Variants in LY6S observed in about 807,000 individuals in gnomAD.
LY6S encodes lymphocyte antigen 6 family member S, also known as lymphocyte antigen 6S.
the LY6S span, among the ~76,000 whole-genome samples, chr8:143,047,303 CT>C: frequency 5.4e-5 from 8 of 149,150 alleles, no homozygotes; most frequent in African/African-American, 1.5e-4. Context: ...CCACGCCCGG[CT>C]TTTTTTTTTC....
the LY6S span, among the ~76,000 whole-genome samples, chr8:143,070,476 A>ATATATATATAATATATATATAAT: frequency 6.0e-4 from 46 of 76,908 alleles, 2 homozygotes; most frequent in Non-Finnish European, 8.1e-4. Context: ...TATATATATA[A>ATATATATATAATATATATATAAT]ATATATATAT....
chr8:143,074,566 C>T, the LY6S span, among the ~76,000 whole-genome samples: 29,189 of 151,754 alleles, frequency 0.19, 3,660 homozygotes, highest in African/African-American at 0.34. Flanking sequence ...TAATGAGCAC[C>T]TACTTTCATA....
the LY6S span, among the ~76,000 whole-genome samples, chr8:143,045,423 C>T: frequency 2.0e-5 from 3 of 152,262 alleles, no homozygotes; most frequent in African/African-American, 2.4e-5. The surrounding 1 kb of genome is among the most constrained non-coding windows in gnomAD (Gnocchi z 5.3). Flanking sequence ...TCCTGGGGAT[C>T]GAATGAGTCC....
the LY6S span, among the ~76,000 whole-genome samples, chr8:143,058,845 C>G: frequency 6.6e-6 from 1 of 152,224 alleles, no homozygotes; most frequent in Non-Finnish European, 1.5e-5. Flanking sequence ...TCTGGTGGCC[C>G]TGTCCGGGCA....
the LY6S span, chr8:143,042,485 G>A: frequency 0.01 from 1,625 of 155,266 alleles, 21 homozygotes; most frequent in Non-Finnish European, 0.016. Flanking sequence ...CCCTGGGGGG[G>A]CACCCGTGCC....
At chr8:143,053,618 TC>T in the LY6S span, 1 of 151,754 alleles carries the variant, frequency 6.6e-6, no homozygotes, top group Admixed American at 6.6e-5. Context: ...TTCTTTAAGT[TC>T]CCCCTCTTAA....
At chr8:143,063,542 G>A in the LY6S span, among the ~76,000 whole-genome samples, 1 of 152,176 alleles carries the variant, frequency 6.6e-6, no homozygotes, top group Non-Finnish European at 1.5e-5. Flanking sequence ...CAAGGCATAT[G>A]CAGCATTTCT....
At chr8:143,054,775 G>C in the LY6S span, among the ~76,000 whole-genome samples, 1 of 152,224 alleles carries the variant, frequency 6.6e-6, no homozygotes, top group Admixed American at 6.5e-5. Flanking sequence ...CTTGGGTTTA[G>C]TATTATCCTC....
At chr8:143,067,486 C>A in the LY6S span, among the ~76,000 whole-genome samples, 3 of 152,300 alleles carry the variant, frequency 2.0e-5, no homozygotes, top group East Asian at 3.9e-4. Flanking sequence ...CCCCTCCACA[C>A]CTGTGAGTAT....
At chr8:143,043,379 C>T in the LY6S span, 563 of 613,842 alleles carry the variant, frequency 9.2e-4, 1 homozygote, top group Non-Finnish European at 1.2e-3. Context: ...GGCCCTGCCC[C>T]GGGGCCTCAG....
At chr8:143,071,809 T>A in the LY6S span, among the ~76,000 whole-genome samples, 115 of 152,274 alleles carry the variant, frequency 7.6e-4, no homozygotes, top group African/African-American at 2.6e-3. Flanking sequence ...AAGGAGGGTC[T>A]CCACTTAATC....
At chr8:143,073,197 G>A in the LY6S span, among the ~76,000 whole-genome samples, 4 of 149,660 alleles carry the variant, frequency 2.7e-5, no homozygotes, top group South Asian at 8.8e-4. Context: ...GTCGTCCTCG[G>A]GGTTCCTGTT....
chr8:143,054,002 TCCTATTAAAGATAACTACA>T, the LY6S span: 2 of 152,036 alleles, frequency 1.3e-5, no homozygotes, highest in African/African-American at 2.4e-5. Context: ...CATCAACATT[TCCTATTAAAGATAACTACA>T]CCTGGCCGAG....
chr8:143,049,388 T>C, the LY6S span: 1 of 446,662 alleles, frequency 2.2e-6, no homozygotes, highest in South Asian at 1.7e-5. Flanking sequence ...AGAGTGGAAC[T>C]GTGAGCTTCA....
chr8:143,057,039 A>G, the LY6S span: 1 of 251,722 alleles, frequency 4.0e-6, no homozygotes. Flanking sequence ...TCTTCCTGTT[A>G]ATAGTTACAC....
the LY6S span, among the ~76,000 whole-genome samples, chr8:143,051,157 G>T: frequency 6.6e-6 from 1 of 152,204 alleles, no homozygotes; most frequent in African/African-American, 2.4e-5. Context: ...GAAATGCAAG[G>T]GCTGACAGGA....
the LY6S span, among the ~76,000 whole-genome samples, chr8:143,056,599 T>C: frequency 2.0e-5 from 3 of 152,208 alleles, no homozygotes; most frequent in Non-Finnish European, 4.4e-5. Flanking sequence ...GGAATTTATA[T>C]AATGTCTCAC....
the LY6S span, among the ~76,000 whole-genome samples, chr8:143,070,489 A>ATATT: frequency 1.2e-5 from 1 of 81,746 alleles, no homozygotes; most frequent in Admixed American, 1.4e-4. Flanking sequence ...ATATATATAT[A>ATATT]TTTTTTTTTT....
chr8:143,044,612 T>A, the LY6S span: 2 of 1,303,038 alleles, frequency 1.5e-6, no homozygotes, highest in South Asian at 1.3e-5. Context: ...CCTTGGTCCA[T>A]CATGCAGCTA....
Sources: gnomAD v4.1 joint callset for allele counts (sites outside exome capture counted in the v4.1 genomes callset) on GRCh38, gnomAD v4.1.1 for gene constraint, Gnocchi (gnomAD v3.1) non-coding constraint, MANE v1.5 for transcripts, NCBI Gene and HGNC (gene_info 2026-07-23, HGNC 2026-07-21) for gene names.